Variants in RERE observed in about 807,000 individuals in gnomAD.
RERE encodes arginine-glutamic acid dipeptide repeats, also known as arginine-glutamic acid dipeptide repeats protein.
RERE carries 40 observed loss-of-function variants against 146.1 expected under a neutral mutation model. The ratio of observed to expected loss-of-function variants is 0.27; its 90% CI spans 0.21 to 0.36. The LOEUF (loss-of-function observed/expected upper bound fraction) is 0.36, where lower values mean the gene tolerates loss of function less well. Ranked by LOEUF, RERE falls within the 10% of genes least tolerant of loss-of-function variation. The pLI, the probability that RERE is intolerant of heterozygous loss-of-function variation, is 1.00. For synonymous variants in RERE, 1,003 were observed against 866.0 expected, an observed-to-expected ratio of 1.16 and a Z score of -2.78; for missense variants, 1,933 against 2,138.7, an observed-to-expected ratio of 0.90 and a Z score of 1.90.
chr1:8,789,383 A>T (rs1641323218), intron 1 of RERE, among the ~76,000 whole-genome samples: 1 of 147,994 alleles, frequency 6.8e-6, no homozygotes, highest in Admixed American at 6.9e-5. Flanking sequence ...CTCAAAGCTT[A>T]TCTGTCCTGT....
intron 4 of RERE, among the ~76,000 whole-genome samples, chr1:8,592,230 T>A (rs1224598624): frequency 6.6e-6 from 1 of 152,010 alleles, no homozygotes; most frequent in Non-Finnish European, 1.5e-5. Context: ...ATGCAAGACA[T>A]AACAGGCTCC....
chr1:8,715,405 G>T (rs1295643205), intron 1 of RERE, among the ~76,000 whole-genome samples: 1 of 151,820 alleles, frequency 6.6e-6, no homozygotes, highest in Non-Finnish European at 1.5e-5. Context: ...GTGCTACTGG[G>T]GAGGCTGAGG....
chr1:8,556,755 GT>G (rs1436549295), intron 5 of RERE, among the ~76,000 whole-genome samples, 184 bp from the exon 6 acceptor site: 1 of 152,146 alleles, frequency 6.6e-6, no homozygotes, highest in Non-Finnish European at 1.5e-5. Context: ...AGAATGTACA[GT>G]TTTTGTCAAC....
chr1:8,605,658 A>C (rs181857770), intron 4 of RERE, among the ~76,000 whole-genome samples: 1,578 of 148,414 alleles, frequency 0.011, 23 homozygotes, highest in African/African-American at 0.037. Flanking sequence ...CTGAGGCAGG[A>C]GAATCACCTG....
intron 1 of RERE, among the ~76,000 whole-genome samples, chr1:8,733,332 G>T (rs1178794882): frequency 1.3e-5 from 2 of 152,132 alleles, no homozygotes; most frequent in Non-Finnish European, 2.9e-5. Context: ...GCTCCTTTTA[G>T]TTCTAAATTT....
intron 7 of RERE, among the ~76,000 whole-genome samples, chr1:8,526,536 C>T (rs1645573453): frequency 6.6e-6 from 1 of 152,174 alleles, no homozygotes; most frequent in Admixed American, 6.5e-5. Context: ...GGCCTTGTCA[C>T]ACAGGTACAG....
At position 8,606,091 on chromosome 1, in the gene RERE, C is replaced by T. The variant is rs1015717649; in HGVS notation, c.522+8470G>A. 3.3e-5 allele frequency among the ~76,000 whole-genome samples: 5 copies of T among 152,182 alleles called. No homozygotes were observed. In the East Asian group the frequency reaches 7.7e-4, roughly 23 times the overall value. On this transcript the variant is annotated intron_variant, in intron 4 of 22. Coordinates refer to ENST00000400908, the MANE Select transcript of RERE (RefSeq NM_001042681.2). The stretch of plus-strand genomic sequence containing the variant: ...TTGGCCGCCCAAAGTGTTGAGATTA[C>T]AGGCATGGGTTACCACACCCAGCCA...
intron 10 of RERE, among the ~76,000 whole-genome samples, chr1:8,482,308 A>C (rs1362892802): frequency 1.3e-5 from 2 of 152,216 alleles, no homozygotes; most frequent in Non-Finnish European, 2.9e-5. Flanking sequence ...AGTGGGGTAT[A>C]AAGTTTGACT....
rs760644002 is a variant in RERE at position 8,359,789 on chromosome 1, C to A, written c.3593G>T (p.Arg1198Leu). The change falls in exon 19 of 23, where the codon CGG (arginine) becomes CTG (leucine). Residue 1198 changes from arginine to leucine, a missense_variant. Physicochemically the swap from Arg to Leu is moderately radical, Grantham distance 102. Transcript: ENST00000400908. Reference sequence around the variant, plus strand: ...AGCCGCCCGCTCTGCCTCGCGCTCCCGCTCTCGCTCCCGCTCCCGCTCCTT... The same window carrying A: ...AGCCGCCCGCTCTGCCTCGCGCTCCAGCTCTCGCTCCCGCTCCCGCTCCTT... ...KEKERERERE[R>L]EREAERAAKA... 2 of 1,601,280 alleles carry A rather than the reference C, an allele frequency of 1.2e-6. No homozygotes were observed. Among genetic ancestry groups the A allele is most frequent in the Non-Finnish European group, 1.7e-6 (2 of 1,178,694 alleles).
At chr1:8,652,591 A>G (rs1367669870) in intron 2 of RERE, among the ~76,000 whole-genome samples, 1 of 152,208 alleles carries the variant, frequency 6.6e-6, no homozygotes, top group African/African-American at 2.4e-5. Flanking sequence ...GCTTACAATT[A>G]TGGTGGAAAG....
At chr1:8,407,070 T>G (rs1463497021) in intron 12 of RERE, among the ~76,000 whole-genome samples, 1 of 152,258 alleles carries the variant, frequency 6.6e-6, no homozygotes, top group Non-Finnish European at 1.5e-5. Flanking sequence ...CAGAAAGTGC[T>G]GTCTGCAGTG....
intron 1 of RERE, among the ~76,000 whole-genome samples, chr1:8,731,801 TTTG>T (rs1640091862): frequency 6.6e-6 from 1 of 151,162 alleles, no homozygotes; most frequent in Non-Finnish European, 1.5e-5. Flanking sequence ...TGTTTGTTTG[TTTG>T]TTTTGTTTTG....
intron 4 of RERE, among the ~76,000 whole-genome samples, chr1:8,593,239 A>G (rs1388060311): frequency 1.3e-5 from 2 of 152,178 alleles, no homozygotes; most frequent in Non-Finnish European, 2.9e-5. Flanking sequence ...ATGGGCCTAA[A>G]ATAGCTTTTG....
At chr1:8,635,702 C>T (rs545369255) in intron 2 of RERE, among the ~76,000 whole-genome samples, 27 of 152,226 alleles carry the variant, frequency 1.8e-4, no homozygotes, top group African/African-American at 6.3e-4. Flanking sequence ...ATGAAAGACC[C>T]TTTGTCTTAT....
At chr1:8,742,595 C>G (rs1640330783) in intron 1 of RERE, among the ~76,000 whole-genome samples, 1 of 152,008 alleles carries the variant, frequency 6.6e-6, no homozygotes, top group Non-Finnish European at 1.5e-5. Context: ...CCGAGGCAGG[C>G]AGATCACTCA....
At chr1:8,577,910 T>C (rs539144498) in intron 4 of RERE, among the ~76,000 whole-genome samples, 2 of 152,186 alleles carry the variant, frequency 1.3e-5, no homozygotes, top group South Asian at 2.1e-4. Flanking sequence ...CTGGCCAACA[T>C]GGCAAAACCC....
chr1:8,698,968 G>C (rs1639392252), intron 1 of RERE, among the ~76,000 whole-genome samples: 1 of 152,090 alleles, frequency 6.6e-6, no homozygotes, highest in Non-Finnish European at 1.5e-5. Context: ...ACTCTGGCTG[G>C]AGTGCAGTGG....
chr1:8,755,468 C>G (rs1023109118), intron 1 of RERE, among the ~76,000 whole-genome samples: 2 of 151,764 alleles, frequency 1.3e-5, no homozygotes, highest in Non-Finnish European at 2.9e-5. Context: ...AGTTGGGGGG[C>G]CTTCTTTAAG....
chr1:8,585,179 G>C (rs1161976659), intron 4 of RERE, among the ~76,000 whole-genome samples: 3 of 150,840 alleles, frequency 2.0e-5, no homozygotes, highest in Non-Finnish European at 4.4e-5. Flanking sequence ...TTACGGGATA[G>C]TCTAATTCTG....
Sources: gnomAD v4.1 joint callset for allele counts (sites outside exome capture counted in the v4.1 genomes callset) on GRCh38, gnomAD v4.1.1 for gene constraint, MANE v1.5 for transcripts, NCBI Gene and HGNC (gene_info 2026-07-23, HGNC 2026-07-21) for gene names.